UBE2Q2: variants seen among roughly 807,000 people sequenced by gnomAD.
UBE2Q2 encodes the protein ubiquitin conjugating enzyme E2 Q2, also known as ubiquitin-conjugating enzyme E2 Q2.
Under a neutral mutation model 59.9 loss-of-function variants are expected in UBE2Q2, and 54 were observed. That is an observed-to-expected ratio of 0.90 (90% confidence interval 0.72 to 1.13). The LOEUF is 1.13. Among genes scored for constraint, UBE2Q2 ranks in the 50% most tolerant of loss-of-function variants. UBE2Q2 has a pLI of 0.00. For missense variants in UBE2Q2, 433 were observed against 441.9 expected (o/e 0.98, Z 0.18); for synonymous variants, 165 against 155.2 (o/e 1.06, Z -0.47).
At chr15:75,874,398 C>T (rs1897960725) in intron 5 of UBE2Q2, among the ~76,000 whole-genome samples, 1 of 151,896 alleles carries the variant, frequency 6.6e-6, no homozygotes, top group East Asian at 1.9e-4. Context: ...GTTCTCCTGC[C>T]TCACCCTCCT....
intron 1 of UBE2Q2, 123 bp downstream of exon 1, chr15:75,843,969 C>T (rs1896168301): frequency 4.3e-6 from 6 of 1,406,000 alleles, no homozygotes; most frequent in Middle Eastern, 2.6e-4. Flanking sequence ...GCAGGCCCGC[C>T]CCTTTCCCCC....
chr15:75,851,462 A>G (rs991588457), intron 1 of UBE2Q2, among the ~76,000 whole-genome samples: 1 of 152,142 alleles, frequency 6.6e-6, no homozygotes, highest in African/African-American at 2.4e-5. Flanking sequence ...ATCAAAATAC[A>G]TTCATCAATA....
intron 7 of UBE2Q2, chr15:75,878,336 A>T: frequency 4.0e-6 from 1 of 251,096 alleles, no homozygotes; most frequent in Non-Finnish European, 7.6e-6. Context: ...TATTTGAAAT[A>T]TATACAGCAC....
intron 3 of UBE2Q2, among the ~76,000 whole-genome samples, chr15:75,861,080 G>A (rs1897184528): frequency 6.6e-6 from 1 of 152,198 alleles, no homozygotes; most frequent in African/African-American, 2.4e-5. Flanking sequence ...TTGGCAAAAT[G>A]GGGGAACCAG....
At chr15:75,882,504 G>T (rs528166867) in intron 8 of UBE2Q2, among the ~76,000 whole-genome samples, 145 of 152,114 alleles carry the variant, frequency 9.5e-4, no homozygotes, top group Non-Finnish European at 1.8e-3. Flanking sequence ...ACTCATTAGG[G>T]ATTCACATGT....
At chr15:75,857,872 T>C (rs1896998981) in intron 2 of UBE2Q2, among the ~76,000 whole-genome samples, 1 of 152,118 alleles carries the variant, frequency 6.6e-6, no homozygotes, top group Admixed American at 6.6e-5. Flanking sequence ...CTTTAGTATA[T>C]AATGTAAAAA....
At chr15:75,898,781 C>G (rs1177985620) in intron 12 of UBE2Q2, among the ~76,000 whole-genome samples, 1 of 152,126 alleles carries the variant, frequency 6.6e-6, no homozygotes, top group Non-Finnish European at 1.5e-5. Flanking sequence ...GGCTTACTTT[C>G]AAGTATAGAA....
At chr15:75,868,424 G>C (rs1567026885) in intron 3 of UBE2Q2, among the ~76,000 whole-genome samples, 1 of 152,072 alleles carries the variant, frequency 6.6e-6, no homozygotes, top group Non-Finnish European at 1.5e-5. Context: ...AAGAAAATTT[G>C]CTTTTTAGTG....
At chr15:75,898,179 C>T (rs778167434) in intron 12 of UBE2Q2, among the ~76,000 whole-genome samples, 5 of 152,066 alleles carry the variant, frequency 3.3e-5, no homozygotes, top group South Asian at 2.1e-4. Context: ...TAGGTTTTTG[C>T]GGAACCTGGG....
At chr15:75,843,944 G>A (rs1896165784) in intron 1 of UBE2Q2, 98 bp downstream of exon 1, 1 of 1,418,258 alleles carries the variant, frequency 7.1e-7, no homozygotes, top group Non-Finnish European at 9.2e-7. Context: ...GAGAGGCTCC[G>A]GCTCCCCGGG....
chr15:75,846,360 C>T (rs1896345315), intron 1 of UBE2Q2, among the ~76,000 whole-genome samples: 1 of 152,166 alleles, frequency 6.6e-6, no homozygotes, highest in African/African-American at 2.4e-5. Context: ...GCCACCGCCT[C>T]CCGAGTAGCT....
chr15:75,860,103 TATTGA>T (rs1475203180), intron 3 of UBE2Q2, 121 bp downstream of exon 3: 12 of 742,518 alleles, frequency 1.6e-5, no homozygotes, highest in Non-Finnish European at 2.7e-5. Context: ...TTTTTGTTCC[TATTGA>T]ATTGTTTTGT....
At position 75,899,112 on chromosome 15, in the gene UBE2Q2, A is replaced by G. The variant is rs1426733393; in HGVS notation, c.1097-315A>G. On this transcript the variant is annotated intron_variant, in intron 12 of 12. Coordinates refer to ENST00000267938, the MANE Select transcript of UBE2Q2 (RefSeq NM_173469.4). ...CCTGTCTCTACTAAATACCAAAAAA[A>G]AAAAAAAAAAAAAATTAGTGGGGCA... Among the ~76,000 whole-genome samples, 6 of 150,502 alleles carry G rather than the reference A, an allele frequency of 4.0e-5. No homozygotes were observed. The South Asian group carries it at 1.3e-3, about 32-fold the overall frequency.
chr15:75,858,665 T>A (rs1897050425), intron 2 of UBE2Q2, among the ~76,000 whole-genome samples: 1 of 152,168 alleles, frequency 6.6e-6, no homozygotes, highest in Admixed American at 6.5e-5. Context: ...ATGACTCCAC[T>A]ACCCTGCTGC....
intron 3 of UBE2Q2, among the ~76,000 whole-genome samples, chr15:75,860,643 C>G (rs531816734): frequency 6.6e-6 from 1 of 152,124 alleles, no homozygotes; most frequent in South Asian, 2.1e-4. Flanking sequence ...TTTTGTTTTG[C>G]AGTGTCTTCC....
chr15:75,892,784 G>A (rs1299920657), intron 11 of UBE2Q2, among the ~76,000 whole-genome samples: 1 of 152,178 alleles, frequency 6.6e-6, no homozygotes, highest in Non-Finnish European at 1.5e-5. Context: ...GCTGAGGTGG[G>A]AAGATCACTT....
intron 3 of UBE2Q2, among the ~76,000 whole-genome samples, chr15:75,861,710 A>T (rs960590243): frequency 6.6e-6 from 1 of 152,212 alleles, no homozygotes; most frequent in Non-Finnish European, 1.5e-5. Context: ...TTGGACAGTC[A>T]TAGCTTTAAG....
rs1898252544 is a variant in UBE2Q2 at position 75,879,123 on chromosome 15, A to G, written c.760A>G (p.Ser254Gly). 1 of 1,597,476 alleles carries G rather than the reference A, an allele frequency of 6.3e-7. No homozygotes were observed. The highest frequency in any genetic ancestry group is 1.4e-5 in the African/African-American group (1 of 74,040). ...GGTTGACCCTGATAGTCCTTTGCAC[A>G]GTGATCTTCAGATCTTAAAAGAAAA... ...QKVDPDSPLH[S>G]DLQILKEKEG... Residue 254 changes from serine to glycine, a missense_variant, in exon 8 of 13, where the codon AGT becomes GGT. Transcript: ENST00000267938.
At chr15:75,896,018 GT>G (rs1386688978) in intron 11 of UBE2Q2, among the ~76,000 whole-genome samples, 2 of 152,136 alleles carry the variant, frequency 1.3e-5, no homozygotes, top group Non-Finnish European at 1.5e-5. Context: ...AAATATTTCA[GT>G]GTTTAAAACA....
Sources: allele counts gnomAD v4.1 joint callset (sites outside exome capture counted in the v4.1 genomes callset), GRCh38; gene constraint gnomAD v4.1.1; transcripts MANE v1.5; gene names NCBI Gene and HGNC (gene_info 2026-07-23, HGNC 2026-07-21).